The following HS3ST4 variants were observed in gnomAD, a reference collection of about 807,000 sequenced individuals.
The protein encoded by HS3ST4 is heparan sulfate glucosamine 3-O-sulfotransferase 4.
In HS3ST4, 17 loss-of-function variants were observed where a neutral mutation model predicts 29.2. That is an observed-to-expected ratio of 0.58 (90% CI 0.40 to 0.87). The LOEUF is 0.87. HS3ST4 is among the 40% of genes least tolerant of loss of function. HS3ST4 has a pLI of 0.00. For synonymous variants in HS3ST4, 314 were observed against 285.7 expected, an observed-to-expected ratio of 1.10 and a Z score of -1.00; for missense variants, 627 against 634.5, an observed-to-expected ratio of 0.99 and a Z score of 0.13.
chr16:25,922,912 C>A (rs1003487466), intron 1 of HS3ST4, among the ~76,000 whole-genome samples: 1 of 152,208 alleles, frequency 6.6e-6, no homozygotes, highest in African/African-American at 2.4e-5. Flanking sequence ...CAGCCTGGCT[C>A]ACTCAGCTTT....
chr16:25,992,819 A>G (rs1028420915), intron 1 of HS3ST4, among the ~76,000 whole-genome samples: 18 of 152,234 alleles, frequency 1.2e-4, no homozygotes, highest in African/African-American at 3.6e-4. Context: ...AGGAAAAAAT[A>G]ACCCCAAGCC....
At chr16:25,961,395 T>TA (rs1022570408) in intron 1 of HS3ST4, among the ~76,000 whole-genome samples, 1 of 152,244 alleles carries the variant, frequency 6.6e-6, no homozygotes, top group African/African-American at 2.4e-5. Context: ...ATGCCTTTTA[T>TA]GCATTTCCAA....
intron 1 of HS3ST4, among the ~76,000 whole-genome samples, chr16:25,846,692 TA>T (rs1005585841): frequency 6.6e-6 from 1 of 152,142 alleles, no homozygotes; most frequent in African/African-American, 2.4e-5. Flanking sequence ...AACAGAAAAT[TA>T]AAAAAATTTT....
At chr16:25,835,213 G>A (rs1302349164) in intron 1 of HS3ST4, among the ~76,000 whole-genome samples, 2 of 152,084 alleles carry the variant, frequency 1.3e-5, no homozygotes, top group Admixed American at 6.5e-5. Flanking sequence ...TGCCTCTTAA[G>A]TCTCCAGGGC....
Position 25,914,998 on chromosome 16 carries a change from T to C in HS3ST4, c.735-220614T>C, listed in dbSNP as rs148992485. Reference sequence around the variant, plus strand: ...ACATTTCACCAGGAAATCTTAGTTATGCGGGCTGCGCTGTGCATTGAGACA... The same window carrying C: ...ACATTTCACCAGGAAATCTTAGTTACGCGGGCTGCGCTGTGCATTGAGACA... On this transcript the variant is annotated intron_variant, in intron 1 of 1. Coordinates refer to ENST00000331351, the MANE Select transcript of HS3ST4 (RefSeq NM_006040.3). Among the ~76,000 whole-genome samples, 706 of 152,174 alleles carry C rather than the reference T, an allele frequency of 4.6e-3. 9 individuals are homozygous for C. The highest frequency in any genetic ancestry group is 0.017 in the African/African-American group (688 of 41,502).
Position 26,136,490 on chromosome 16 carries a change from A to C in HS3ST4, c.*242A>C. 1 of 555,372 alleles carries C rather than the reference A, an allele frequency of 1.8e-6. No individual in the cohort carries two copies. Among genetic ancestry groups the C allele is most frequent in the African/African-American group, 1.9e-5 (1 of 53,206 alleles). 34.4% of individuals were successfully genotyped at this position (555,372 alleles called of 1,614,324 possible). A position where few individuals can be genotyped will look rare whatever the true frequency, so the allele number is the denominator to read the frequency against. ...TCTGGTTGACCAGATGGCCACCAGA[A>C]CCCACTGTTCATTCTTATCTTCTGC... On this transcript the variant is annotated 3_prime_UTR_variant, in exon 2 of 2. Transcript: ENST00000331351.
chr16:26,028,490 T>C lies in HS3ST4; in HGVS notation c.735-107122T>C, dbSNP rs961529421. On this transcript the variant is annotated intron_variant, in intron 1 of 1. Transcript: ENST00000331351. ...ATGGTTTATCACTGTGTTGCCCAGG[T>C]TGGTCTCCAACTCCTGGTCTGAGGC... Among the ~76,000 whole-genome samples the C allele has an allele frequency of 2.0e-5, 3 of 152,086 alleles. No individual in the cohort carries two copies. In the East Asian group the frequency reaches 5.8e-4, roughly 29 times the overall value.
chr16:26,024,173 A>G (rs1224106717), intron 1 of HS3ST4, among the ~76,000 whole-genome samples: 1 of 151,330 alleles, frequency 6.6e-6, no homozygotes, highest in African/African-American at 2.4e-5. Flanking sequence ...CAGTGAGCAG[A>G]GATCACACCA....
At chr16:25,815,578 C>G (rs75800217) in intron 1 of HS3ST4, among the ~76,000 whole-genome samples, 2 of 152,230 alleles carry the variant, frequency 1.3e-5, no homozygotes, top group African/African-American at 4.8e-5. Flanking sequence ...CCCCCTTGAC[C>G]CCCCACAGTG....
Position 25,692,686 on chromosome 16 carries a change from G to T in HS3ST4, c.269G>T (p.Arg90Leu). ...CCCTCTCTGCTGCCTACCCCCGTGC[G>T]CCTCGGCGCCCCCTCGCAGCCGCCC... ...PPPSLLPTPV[R>L]LGAPSQPPAP... is the part of the protein sequence containing the mutation. Residue 90 changes from arginine to leucine, a missense_variant, in exon 1 of 2, where the codon CGC becomes CTC. Around this residue, in one of 2 missense-constraint regions of HS3ST4, gnomAD observed 402 missense variants for 340.8 expected, o/e 1.18. Coordinates refer to ENST00000331351, the MANE Select transcript of HS3ST4 (RefSeq NM_006040.3). The T allele has an allele frequency of 8.1e-7, 1 of 1,232,526 alleles. No homozygotes were observed. Among genetic ancestry groups the T allele is most frequent in the Non-Finnish European group, 1.0e-6 (1 of 990,576 alleles). 76.3% of individuals were successfully genotyped at this position (1,232,526 alleles called of 1,614,324 possible).
intron 1 of HS3ST4, among the ~76,000 whole-genome samples, chr16:26,096,247 G>A (rs1309303312): frequency 6.6e-6 from 1 of 152,136 alleles, no homozygotes. Flanking sequence ...CATTTTATGA[G>A]GCCAACATCA....
intron 1 of HS3ST4, among the ~76,000 whole-genome samples, chr16:25,960,527 G>A (rs1204808335): frequency 6.6e-6 from 1 of 152,176 alleles, no homozygotes; most frequent in East Asian, 1.9e-4. Context: ...TCTCTGGTGA[G>A]TCCAGAAGAT....
intron 1 of HS3ST4, among the ~76,000 whole-genome samples, chr16:25,752,363 C>A (rs968496309): frequency 6.6e-6 from 1 of 151,984 alleles, no homozygotes; most frequent in Non-Finnish European, 1.5e-5. Flanking sequence ...CAAGAAAGGC[C>A]ATTTTGCTCA....
At chr16:26,108,018 T>C (rs958928504) in intron 1 of HS3ST4, among the ~76,000 whole-genome samples, 3 of 152,150 alleles carry the variant, frequency 2.0e-5, no homozygotes, top group African/African-American at 2.4e-5. Context: ...GGTTTTCTAT[T>C]TTCTATTTTC....
At chr16:26,045,842 T>A (rs533742434) in intron 1 of HS3ST4, among the ~76,000 whole-genome samples, 3 of 152,342 alleles carry the variant, frequency 2.0e-5, no homozygotes, top group African/African-American at 7.2e-5. Context: ...CTTGACCACA[T>A]TTAATGCATA....
chr16:25,769,877 G>A (rs1966839729), intron 1 of HS3ST4, among the ~76,000 whole-genome samples: 1 of 152,162 alleles, frequency 6.6e-6, no homozygotes, highest in African/African-American at 2.4e-5. Flanking sequence ...GAGACAACAA[G>A]AAGCAAAGGC....
intron 1 of HS3ST4, among the ~76,000 whole-genome samples, chr16:25,815,451 G>C (rs1967084204): frequency 6.6e-6 from 1 of 152,136 alleles, no homozygotes; most frequent in Non-Finnish European, 1.5e-5. Flanking sequence ...AGCCTCACGA[G>C]TAGCTGGGAT....
At chr16:25,864,064 C>G (rs1967667151) in intron 1 of HS3ST4, among the ~76,000 whole-genome samples, 1 of 152,238 alleles carries the variant, frequency 6.6e-6, no homozygotes, top group Admixed American at 6.5e-5. Context: ...GCCCTCTTCT[C>G]TCTGTGTGTG....
In HS3ST4 at chr16:26,137,400, CCATT is replaced by C. The variant is rs1248288417; in HGVS notation, c.*1156_*1159del. The C allele has an allele frequency of 6.6e-6, 1 of 152,100 alleles. No individual in the cohort carries two copies. Among genetic ancestry groups the C allele is most frequent in the Non-Finnish European group, 1.5e-5 (1 of 68,026 alleles). The allele number at this position is 152,100 out of a possible 1,614,324, so 9.4% of individuals were successfully genotyped here. A position where few individuals can be genotyped will look rare whatever the true frequency, so the allele number is the denominator to read the frequency against. On this transcript the variant is annotated 3_prime_UTR_variant, in exon 2 of 2. Transcript: ENST00000331351. ...TGAGGTAGTGGCGAGAAAGCTGACT[CCATT>C]CATCAGATCCAGTTTATGAGGGTTG...
Sources: gnomAD v4.1 joint callset for allele counts (sites outside exome capture counted in the v4.1 genomes callset) on GRCh38, gnomAD v4.1.1 for gene constraint, gnomAD v4.1.1 regional missense constraint, MANE v1.5 for transcripts, NCBI Gene and HGNC (gene_info 2026-07-23, HGNC 2026-07-21) for gene names.